MED12L: variants seen among roughly 807,000 people sequenced by gnomAD.
The protein encoded by MED12L is mediator complex subunit 12L.
Under a neutral mutation model 281.3 loss-of-function variants are expected in MED12L, and 60 were observed. That is an observed-to-expected ratio of 0.21 (90% CI 0.17 to 0.26). The LOEUF (loss-of-function observed/expected upper bound fraction) is 0.26, where lower values mean the gene tolerates loss of function less well. MED12L is among the 10% of genes least tolerant of loss of function. The pLI is 1.00. For synonymous variants in MED12L, 974 were observed against 987.2 expected (o/e 0.99, Z 0.25); for missense variants, 2,146 against 2,680.9 (o/e 0.80, Z 4.41).
At chr3:151,382,926 G>T (rs1272592512) in intron 33 of MED12L, among the ~76,000 whole-genome samples, 181 bp downstream of exon 33, 1 of 152,056 alleles carries the variant, frequency 6.6e-6, no homozygotes, top group African/African-American at 2.4e-5. Context: ...TTTCCTTCCT[G>T]TCTGGTCAGA....
rs1414195767 is a variant in MED12L, at chr3:151,271,543, CTTATA to C, written c.2250+77881_2250+77885del. The stretch of plus-strand genomic sequence containing the variant: ...GTGAAAGTGTATGTCCATAGAAAGA[CTTATA>C]TTAGAATATTCATAGCAACTCTTTT... On this transcript the variant is annotated intron_variant, in intron 16 of 44. Transcript: ENST00000687756. Among the ~76,000 whole-genome samples the C allele has an allele frequency of 1.1e-4, 17 of 152,242 alleles. No homozygotes were observed. The East Asian group carries it at 3.1e-3, about 28-fold the overall frequency.
At chr3:151,331,583 A>G (rs1459252080) in intron 16 of MED12L, among the ~76,000 whole-genome samples, 1 of 152,214 alleles carries the variant, frequency 6.6e-6, no homozygotes, top group East Asian at 1.9e-4. Flanking sequence ...GAAAATTGGA[A>G]TGTTGTGCAT....
rs556465276 is a variant in MED12L at position 151,189,817 on chromosome 3, G to T, written c.1754-900G>T. 2.0e-5 allele frequency among the ~76,000 whole-genome samples: 3 copies of T among 152,314 alleles called. No individual in the cohort carries two copies. In the East Asian group the frequency reaches 5.8e-4, roughly 29 times the overall value. On this transcript the variant is annotated intron_variant, in intron 13 of 44. Coordinates refer to ENST00000687756, the MANE Select transcript of MED12L (RefSeq NM_001393769.1). ...AGGTGTAGTCACAAAACTTTAGAGT[G>T]CAGTGACAATATTGAAAGTCATAAT...
At chr3:151,247,428 C>T (rs924981866) in intron 16 of MED12L, among the ~76,000 whole-genome samples, 7 of 151,888 alleles carry the variant, frequency 4.6e-5, no homozygotes, top group African/African-American at 1.7e-4. Flanking sequence ...GAATACTATG[C>T]AGCCATAAAA....
chr3:151,279,355 T>A (rs1742431424), intron 16 of MED12L, among the ~76,000 whole-genome samples: 1 of 152,250 alleles, frequency 6.6e-6, no homozygotes, highest in Non-Finnish European at 1.5e-5. Context: ...TTCTAGTTGC[T>A]TTATATGTAC....
At chr3:151,304,603 A>T (rs1235953082) in intron 16 of MED12L, among the ~76,000 whole-genome samples, 1 of 152,040 alleles carries the variant, frequency 6.6e-6, no homozygotes, top group Admixed American at 6.6e-5. Flanking sequence ...GATTAAAAAA[A>T]AAAAAAATCC....
chr3:151,254,521 A>G (rs1176434412), intron 16 of MED12L, among the ~76,000 whole-genome samples: 16 of 152,226 alleles, frequency 1.1e-4, no homozygotes, highest in Admixed American at 1.0e-3. Flanking sequence ...AACATGCTAT[A>G]TAAATGTTAG....
At chr3:151,294,034 A>C in intron 16 of MED12L, 1 of 670,630 alleles carries the variant, frequency 1.5e-6, no homozygotes, top group Non-Finnish European at 2.6e-6. Context: ...TGTTTTCCTT[A>C]CTTTCAAATT....
intron 16 of MED12L, among the ~76,000 whole-genome samples, chr3:151,222,673 G>T (rs181577052): frequency 6.6e-6 from 1 of 152,110 alleles, no homozygotes; most frequent in Non-Finnish European, 1.5e-5. Context: ...TTTGTAAATT[G>T]CCCATTCTCA....
chr3:151,273,007 T>C (rs888708982), intron 16 of MED12L, among the ~76,000 whole-genome samples: 1 of 152,072 alleles, frequency 6.6e-6, no homozygotes, highest in African/African-American at 2.4e-5. Context: ...GAAATGTTCA[T>C]TGGAGCATTT....
At chr3:151,231,238 C>T (rs940768259) in intron 16 of MED12L, among the ~76,000 whole-genome samples, 3 of 152,210 alleles carry the variant, frequency 2.0e-5, no homozygotes, top group Non-Finnish European at 4.4e-5. Flanking sequence ...TTTAGGACAT[C>T]ACCATTTTGC....
At chr3:151,242,568 A>C (rs1050965833) in intron 16 of MED12L, among the ~76,000 whole-genome samples, 9 of 152,228 alleles carry the variant, frequency 5.9e-5, no homozygotes, top group African/African-American at 2.2e-4. Flanking sequence ...TGTCTGTTAC[A>C]AGGAAAACTA....
intron 39 of MED12L, among the ~76,000 whole-genome samples, chr3:151,405,863 G>C (rs1482910459): frequency 2.0e-5 from 3 of 152,188 alleles, no homozygotes; most frequent in African/African-American, 7.2e-5. Context: ...AGATGGAGCT[G>C]ACAACTGTGA....
intron 12 of MED12L, among the ~76,000 whole-genome samples, chr3:151,186,582 A>C (rs1035404511): frequency 6.6e-6 from 1 of 152,184 alleles, no homozygotes. Context: ...TCTAGGTTGC[A>C]GACTGTTCCC....
At chr3:151,131,136 G>A (rs894460646) in intron 5 of MED12L, among the ~76,000 whole-genome samples, 6 of 152,004 alleles carry the variant, frequency 3.9e-5, no homozygotes, top group Admixed American at 6.6e-5. Flanking sequence ...CAGCTATATC[G>A]GAGAGACTAC....
intron 39 of MED12L, among the ~76,000 whole-genome samples, chr3:151,400,830 G>A (rs1414950329): frequency 3.9e-5 from 6 of 151,978 alleles, no homozygotes; most frequent in East Asian, 1.9e-4. Flanking sequence ...GCATAGAGAC[G>A]AGAATAGAAA....
At chr3:151,338,265 C>T in intron 16 of MED12L, 1 of 1,613,910 alleles carries the variant, frequency 6.2e-7, no homozygotes, top group Non-Finnish European at 8.5e-7. Context: ...AATGACTTGA[C>T]AGATGTAATT....
At chr3:151,307,617 G>T (rs139080100) in intron 16 of MED12L, among the ~76,000 whole-genome samples, 31 of 148,864 alleles carry the variant, frequency 2.1e-4, no homozygotes, top group African/African-American at 2.0e-4. Context: ...ATGTAAAGTG[G>T]ATTGTAAACT....
In MED12L at chr3:151,335,364, G is replaced by A. The variant is rs147727297; in HGVS notation, c.2251-14695G>A. ...ATCCATAACAATTAAAAACAAAAATGAAAACAAAACATTCCTAAATCCCAA... is the reference window on the plus strand; with the variant it reads ...ATCCATAACAATTAAAAACAAAAATAAAAACAAAACATTCCTAAATCCCAA... On this transcript the variant is annotated intron_variant, in intron 16 of 44. Transcript: ENST00000687756. Among the ~76,000 whole-genome samples the A allele has an allele frequency of 6.8e-3, 1,034 of 152,170 alleles. 10 individuals are homozygous for A. The highest frequency in any genetic ancestry group is 0.024 in the South Asian group (114 of 4,808).
Sources: gnomAD v4.1 joint callset for allele counts (sites outside exome capture counted in the v4.1 genomes callset) on GRCh38, gnomAD v4.1.1 for gene constraint, MANE v1.5 for transcripts, NCBI Gene and HGNC (gene_info 2026-07-23, HGNC 2026-07-21) for gene names.